The following DOCK2 variants were observed in gnomAD, a reference collection of about 807,000 sequenced individuals.
DOCK2 encodes dedicator of cytokinesis protein 2.
In DOCK2, 87 loss-of-function variants were observed where a neutral mutation model predicts 248.9. That is an observed-to-expected ratio of 0.35 (90% CI 0.29 to 0.42). DOCK2 has a LOEUF of 0.42. Ranked by LOEUF, DOCK2 falls within the 10% of genes least tolerant of loss-of-function variation. The pLI, the probability that DOCK2 is intolerant of heterozygous loss-of-function variation, is 1.00. For synonymous variants in DOCK2, 805 were observed against 821.6 expected (o/e 0.98, Z 0.35); for missense variants, 1,747 against 2,300.2 (o/e 0.76, Z 4.92).
chr5:170,056,859 G>T lies in DOCK2; in HGVS notation c.4380+91G>T, dbSNP rs139049199. The T allele has an allele frequency of 5.4e-4, 647 of 1,207,824 alleles. 1 individual carries two copies. In the African/African-American group the frequency reaches 6.1e-3, roughly 11 times the overall value. The allele number at this position is 1,207,824 out of a possible 1,614,324, so 74.8% of individuals were successfully genotyped here. On this transcript the variant is annotated intron_variant, in intron 43 of 51. Coordinates refer to ENST00000520908, the MANE Select transcript of DOCK2 (RefSeq NM_004946.3). ...CCAGCCTCAGAATGGGAAGGAACTTGATAGAAAGCCAGAGAAAATAAAGCC... is the reference window on the plus strand; with the variant it reads ...CCAGCCTCAGAATGGGAAGGAACTTTATAGAAAGCCAGAGAAAATAAAGCC...
chr5:169,852,683 A>G (rs1770676969), intron 27 of DOCK2, among the ~76,000 whole-genome samples: 1 of 152,236 alleles, frequency 6.6e-6, no homozygotes, highest in Non-Finnish European at 1.5e-5. Context: ...GGTTAATAAT[A>G]GCCATTATTA....
chr5:169,961,978 C>CAAAAAAAAAAAA lies in DOCK2; in HGVS notation c.2800-21084_2800-21073dup, dbSNP rs70979150. ...TGGGTGAAAAAGTGAGACTCTGTCC[C>CAAAAAAAAAAAA]AAAAAAAAAAAAAAAAATGGAGAAA... On this transcript the variant is annotated intron_variant, in intron 27 of 51. Coordinates refer to ENST00000520908, the MANE Select transcript of DOCK2 (RefSeq NM_004946.3). Among the ~76,000 whole-genome samples the CAAAAAAAAAAAA allele has an allele frequency of 2.6e-3, 191 of 74,616 alleles. 57 individuals carry two copies. Among genetic ancestry groups the CAAAAAAAAAAAA allele is most frequent in the African/African-American group, 5.6e-3 (83 of 14,770 alleles). 49.0% of individuals were successfully genotyped at this position (74,616 alleles called of 152,430 possible).
intron 2 of DOCK2, among the ~76,000 whole-genome samples, chr5:169,656,405 C>A (rs1758120413): frequency 6.6e-6 from 1 of 151,866 alleles, no homozygotes; most frequent in African/African-American, 2.4e-5. Flanking sequence ...CTCACTGCAG[C>A]CTCCGCCTCC....
chr5:169,719,815 A>C lies in DOCK2; in HGVS notation c.2267+1024A>C, dbSNP rs544666716. Among the ~76,000 whole-genome samples the C allele has an allele frequency of 3.9e-5, 6 of 152,104 alleles. No homozygotes were observed. In the South Asian group the frequency reaches 1.2e-3, roughly 32 times the overall value. On this transcript the variant is annotated intron_variant, in intron 22 of 51. Transcript: ENST00000520908. ...GTTGTGGTCATGTGTGCATTACTGG[A>C]GTCATAGCCAGGTCAGCCACTTATG...
In DOCK2 at chr5:169,883,714, G is replaced by A. The variant is rs1243201613; in HGVS notation, c.2799+42862G>A. 2.1e-5 allele frequency: 33 copies of A among 1,551,356 alleles called. No individual in the cohort carries two copies. Among genetic ancestry groups the A allele is most frequent in the African/African-American group, 5.5e-5 (4 of 73,020 alleles). On this transcript the variant is annotated intron_variant, in intron 27 of 51. Transcript: ENST00000520908. ...TGCTTGAGTCTTCCCCATCACAGCC[G>A]GGTCTTCTGGAGTTTGGACGTCAAC... is the stretch of plus-strand genomic sequence containing the variant.
intron 27 of DOCK2, among the ~76,000 whole-genome samples, chr5:169,851,112 G>A (rs17737597): frequency 0.12 from 17,716 of 152,220 alleles, 1,209 homozygotes; most frequent in Admixed American, 0.19. Context: ...CATCCGTGGT[G>A]TGTAGCAGGC....
At chr5:169,986,110 T>A (rs1209940556) in intron 29 of DOCK2, among the ~76,000 whole-genome samples, 188 bp downstream of exon 29, 1 of 152,222 alleles carries the variant, frequency 6.6e-6, no homozygotes, top group Admixed American at 6.5e-5. Flanking sequence ...AAAAATCGTC[T>A]CCAACTTCTC....
intron 22 of DOCK2, among the ~76,000 whole-genome samples, chr5:169,744,700 C>T (rs568348239): frequency 2.4e-4 from 37 of 152,164 alleles, no homozygotes; most frequent in African/African-American, 8.4e-4. Flanking sequence ...ACCCTTCCCC[C>T]TGGAGTGCTG....
chr5:169,952,463 C>T (rs568411493), intron 27 of DOCK2, among the ~76,000 whole-genome samples: 6 of 152,120 alleles, frequency 3.9e-5, no homozygotes, highest in Non-Finnish European at 8.8e-5. Flanking sequence ...AGATTTTTGC[C>T]GCTGGTCTTA....
At chr5:170,014,216 G>A (rs926210903) in intron 32 of DOCK2, among the ~76,000 whole-genome samples, 225 of 152,038 alleles carry the variant, frequency 1.5e-3, no homozygotes, top group African/African-American at 5.2e-3. Context: ...CCGTCTATTT[G>A]TTTACTCATT....
At chr5:169,663,824 T>A (rs56810231) in intron 2 of DOCK2, among the ~76,000 whole-genome samples, 153 of 152,330 alleles carry the variant, frequency 1.0e-3, no homozygotes, top group African/African-American at 3.6e-3. Flanking sequence ...GAGGGGCTGA[T>A]GTGAAGATCT....
intron 44 of DOCK2, among the ~76,000 whole-genome samples, chr5:170,066,238 G>A (rs901522220): frequency 9.9e-5 from 15 of 152,044 alleles, no homozygotes; most frequent in African/African-American, 3.6e-4. Context: ...AAAGAGAGTA[G>A]GGGCAGCTAT....
At chr5:170,020,862 G>A (rs529503243) in intron 33 of DOCK2, among the ~76,000 whole-genome samples, 1 of 152,318 alleles carries the variant, frequency 6.6e-6, no homozygotes, top group East Asian at 1.9e-4. Context: ...AAATACCTTT[G>A]GAAATCACTG....
Position 170,042,083 on chromosome 5 carries a change from T to C in DOCK2, c.3827T>C (p.Leu1276Pro). 1 of 1,613,688 alleles carries C rather than the reference T, an allele frequency of 6.2e-7. No homozygotes were observed. The highest frequency in any genetic ancestry group is 8.5e-7 in the Non-Finnish European group (1 of 1,179,816). Residue 1276 changes from leucine to proline, a missense_variant, in exon 38 of 52, where the codon CTG becomes CCG. By Grantham distance (98) the Leu-to-Pro change is moderately conservative. Around this residue, in one of 4 missense-constraint regions of DOCK2, gnomAD observed 858 missense variants for 1,183.5 expected, o/e 0.72. Transcript: ENST00000520908. The stretch of plus-strand genomic sequence containing the variant: ...CAGCACCCCCAGACACACCGGCAGC[T>C]GAAGGAGACGCTCTACGAGACCATC... ...GQQHPQTHRQ[L>P]KETLYETIIG...
In DOCK2 at chr5:170,056,952, G is replaced by C. The variant is rs1037756420; in HGVS notation, c.4380+184G>C. On this transcript the variant is annotated intron_variant, in intron 43 of 51. Coordinates refer to ENST00000520908, the MANE Select transcript of DOCK2 (RefSeq NM_004946.3). Reference sequence around the variant, plus strand: ...ATTAGGGCCTGTGTCCTTATTTCTTGAGCCTTTTTCCCCTTAATACAGAAC... The same window carrying C: ...ATTAGGGCCTGTGTCCTTATTTCTTCAGCCTTTTTCCCCTTAATACAGAAC... The C allele has an allele frequency of 1.3e-5, 8 of 602,906 alleles. No homozygotes were observed. In the South Asian group the frequency reaches 1.5e-4, roughly 11 times the overall value. 37.3% of individuals were successfully genotyped at this position (602,906 alleles called of 1,614,324 possible). A position where few individuals can be genotyped will look rare whatever the true frequency, so the allele number is the denominator to read the frequency against.
intron 27 of DOCK2, among the ~76,000 whole-genome samples, chr5:169,863,240 T>C (rs1000474376): frequency 6.6e-6 from 1 of 152,186 alleles, no homozygotes. Flanking sequence ...AGTTTTTCAA[T>C]CAGGTGACCA....
At chr5:169,719,504 T>A (rs1446681125) in intron 22 of DOCK2, among the ~76,000 whole-genome samples, 1 of 152,218 alleles carries the variant, frequency 6.6e-6, no homozygotes, top group Non-Finnish European at 1.5e-5. Context: ...AACACGCAAC[T>A]GAAACTGACT....
intron 27 of DOCK2, among the ~76,000 whole-genome samples, chr5:169,861,127 G>C (rs1771172189): frequency 6.6e-6 from 1 of 152,090 alleles, no homozygotes; most frequent in Non-Finnish European, 1.5e-5. Context: ...GACACGCGGG[G>C]CTTCATGTGA....
chr5:169,871,527 A>G (rs1162172856), intron 27 of DOCK2, among the ~76,000 whole-genome samples: 1 of 152,248 alleles, frequency 6.6e-6, no homozygotes, highest in Non-Finnish European at 1.5e-5. Context: ...TATAAATGAG[A>G]AAACTGAGGC....
Sources: allele counts gnomAD v4.1 joint callset (sites outside exome capture counted in the v4.1 genomes callset), GRCh38; gene constraint gnomAD v4.1.1; regional missense constraint gnomAD v4.1.1; transcripts MANE v1.5; gene names NCBI Gene and HGNC (gene_info 2026-07-23, HGNC 2026-07-21).